The following R3HDM1 variants were observed in gnomAD, a reference collection of about 807,000 sequenced individuals.
R3HDM1 encodes the protein R3H domain-containing protein 1.
In R3HDM1, 46 loss-of-function variants were observed where a neutral mutation model predicts 141.1. The observed-to-expected ratio is 0.33, with a 90% confidence interval of 0.26 to 0.42. The LOEUF is 0.42. Among genes scored for constraint, R3HDM1 ranks in the 10% least tolerant of loss-of-function variants. The pLI is 1.00. For missense variants in R3HDM1, 1,184 were observed against 1,368.3 expected (o/e 0.87, Z 2.12); for synonymous variants, 435 against 472.9 (o/e 0.92, Z 1.04).
chr2:135,665,003 A>G (rs962640870), intron 19 of R3HDM1, among the ~76,000 whole-genome samples: 2 of 152,148 alleles, frequency 1.3e-5, no homozygotes, highest in Admixed American at 6.5e-5. Flanking sequence ...GTAAAACTCC[A>G]TAATTCTTTG....
intron 21 of R3HDM1, among the ~76,000 whole-genome samples, chr2:135,690,614 T>A (rs2105378358): frequency 6.6e-6 from 1 of 152,292 alleles, no homozygotes; most frequent in South Asian, 2.1e-4. Context: ...AGAAAGATAC[T>A]GTTGAAGGAA....
intron 1 of R3HDM1, among the ~76,000 whole-genome samples, chr2:135,600,103 ATTTTTTTTTTTTT>A (rs1047714227): frequency 2.1e-5 from 2 of 93,476 alleles, no homozygotes; most frequent in Non-Finnish European, 3.8e-5. Flanking sequence ...AGTTCGTATG[ATTTTTTTTTTTTT>A]TTTTTTTTTT....
chr2:135,632,990 G>A lies in R3HDM1; in HGVS notation c.698+989G>A, dbSNP rs566492584. 2.6e-5 allele frequency among the ~76,000 whole-genome samples: 4 copies of A among 152,008 alleles called. No homozygotes were observed. In the South Asian group the frequency reaches 6.2e-4, roughly 24 times the overall value. ...TGCCATATCACTTGCTGGAACTATT[G>A]GTTTTCTCCCATTTTAAATAGTCTT... On this transcript the variant is annotated intron_variant, in intron 9 of 26. Transcript: ENST00000683871.
intron 2 of R3HDM1, 29 bp downstream of exon 2, chr2:135,602,737 A>C: frequency 7.0e-7 from 1 of 1,438,416 alleles, no homozygotes; most frequent in Non-Finnish European, 9.1e-7. Context: ...TCAGAAAAAC[A>C]TATTTTTCTT....
At chr2:135,630,127 A>G (rs2062504019) in intron 7 of R3HDM1, among the ~76,000 whole-genome samples, 1 of 151,600 alleles carries the variant, frequency 6.6e-6, no homozygotes, top group South Asian at 2.1e-4. Context: ...AAAATAGAAA[A>G]TTAGTCTGGC....
Position 135,636,193 on chromosome 2 carries a change from A to G in R3HDM1, c.903+10A>G, listed in dbSNP as rs369236769. On this transcript the variant is annotated intron_variant, in intron 11 of 26. Transcript: ENST00000683871. Reference sequence around the variant, plus strand: ...AATATTTTCCCAAGATGTACGTACTAACTTACTTAGGTCTTCATGTTAGAG... The same window carrying G: ...AATATTTTCCCAAGATGTACGTACTGACTTACTTAGGTCTTCATGTTAGAG... The G allele has an allele frequency of 1.2e-6, 2 of 1,610,206 alleles. No homozygotes were observed. The highest frequency in any genetic ancestry group is 4.5e-5 in the East Asian group (2 of 44,744).
chr2:135,673,992 G>T (rs1256498477), intron 19 of R3HDM1, among the ~76,000 whole-genome samples: 1 of 152,120 alleles, frequency 6.6e-6, no homozygotes, highest in African/African-American at 2.4e-5. Context: ...TCAAACTCCT[G>T]AGCTTACCCA....
At chr2:135,595,101 A>T (rs1710321661) in intron 1 of R3HDM1, among the ~76,000 whole-genome samples, 1 of 152,066 alleles carries the variant, frequency 6.6e-6, no homozygotes, top group South Asian at 2.1e-4. Context: ...CCTGAGCTCC[A>T]AGTCTATATA....
intron 1 of R3HDM1, among the ~76,000 whole-genome samples, chr2:135,596,572 A>G (rs2059210615): frequency 6.6e-6 from 1 of 152,148 alleles, no homozygotes; most frequent in Non-Finnish European, 1.5e-5. Flanking sequence ...CTAACATGAA[A>G]TAGGTATATA....
intron 21 of R3HDM1, among the ~76,000 whole-genome samples, chr2:135,682,734 C>T (rs1274185254): frequency 1.3e-5 from 2 of 152,190 alleles, no homozygotes; most frequent in African/African-American, 4.8e-5. Context: ...TGGTGGCTCA[C>T]GCCTGTAATC....
At chr2:135,563,726 A>G (rs1049803093) in intron 1 of R3HDM1, among the ~76,000 whole-genome samples, 1 of 152,120 alleles carries the variant, frequency 6.6e-6, no homozygotes, top group Admixed American at 6.6e-5. Flanking sequence ...ACCAGCCTTA[A>G]TTTTTTTGTG....
intron 20 of R3HDM1, 61 bp downstream of exon 20, chr2:135,675,547 C>A: frequency 6.8e-7 from 1 of 1,462,256 alleles, no homozygotes; most frequent in Non-Finnish European, 9.4e-7. Context: ...AAGTGCACAA[C>A]TACAATACAT....
At chr2:135,601,822 C>T (rs911938092) in intron 1 of R3HDM1, among the ~76,000 whole-genome samples, 5 of 152,012 alleles carry the variant, frequency 3.3e-5, no homozygotes, top group Non-Finnish European at 4.4e-5. Context: ...ACCCCTACAC[C>T]CAGCTAATTT....
At chr2:135,588,843 G>T (rs761269492) in intron 1 of R3HDM1, among the ~76,000 whole-genome samples, 1 of 152,048 alleles carries the variant, frequency 6.6e-6, no homozygotes, top group Non-Finnish European at 1.5e-5. Flanking sequence ...TTTAAAACTT[G>T]TATTGACTTT....
intron 19 of R3HDM1, among the ~76,000 whole-genome samples, chr2:135,666,427 A>G (rs1158872550): frequency 6.6e-6 from 1 of 152,116 alleles, no homozygotes; most frequent in Non-Finnish European, 1.5e-5. Flanking sequence ...GATTTCTGTG[A>G]GCATTTCTTA....
intron 18 of R3HDM1, among the ~76,000 whole-genome samples, chr2:135,654,309 A>G (rs76622824): frequency 0.21 from 31,650 of 151,998 alleles, 3,846 homozygotes; most frequent in East Asian, 0.45. Flanking sequence ...ACACACACAC[A>G]AACACACACA....
rs747155798 is a variant in R3HDM1 at position 135,616,680 on chromosome 2, T to C, written c.226T>C (p.Leu76=). Residue 76 remains leucine, a synonymous_variant, in exon 5 of 27, where the codon TTA becomes CTA. Coordinates refer to ENST00000683871, the MANE Select transcript of R3HDM1 (RefSeq NM_001378107.1). The part of the protein sequence containing the change: ...TGKRSKSSSK[L]KLVRSLAVCE... ...TACTTCTCTTTAGTCAAGCTCAAAG[T>C]TAAAGCTAGTTCGGAGCCTTGCAGT... 6.2e-7 allele frequency: 1 copy of C among 1,605,308 alleles called. No individual in the cohort carries two copies. The highest frequency in any genetic ancestry group is 1.1e-5 in the South Asian group (1 of 89,798).
At position 135,715,591 on chromosome 2, in the gene R3HDM1, G is replaced by T. The variant is rs756444936; in HGVS notation, c.2778G>T (p.Gln926His). The change falls in exon 24 of 27, where the codon CAG becomes CAT. Residue 926 changes from glutamine (Q) to histidine (H), a missense_variant. Coordinates refer to ENST00000683871, the MANE Select transcript of R3HDM1 (RefSeq NM_001378107.1). The stretch of plus-strand genomic sequence containing the variant: ...GTAGCCCCATTATTTCACCAGCTCA[G>T]TCGCCAGCACCAGCTCAGCTGTCCA... ...QLSSPIISPA[Q>H]SPAPAQLSTL... 1 of 1,614,050 alleles carries T rather than the reference G, an allele frequency of 6.2e-7. No individual in the cohort carries two copies. The highest frequency in any genetic ancestry group is 1.1e-5 in the South Asian group (1 of 91,056).
chr2:135,667,264 G>A, intron 19 of R3HDM1: 1 of 920,500 alleles, frequency 1.1e-6, no homozygotes, highest in Non-Finnish European at 1.3e-6. Flanking sequence ...GGAAGTTCCT[G>A]AACCATCAGT....
Sources: allele counts gnomAD v4.1 joint callset (sites outside exome capture counted in the v4.1 genomes callset), GRCh38; gene constraint gnomAD v4.1.1; transcripts MANE v1.5; gene names NCBI Gene and HGNC (gene_info 2026-07-23, HGNC 2026-07-21).